The following ASPG variants were observed in gnomAD, a reference collection of about 807,000 sequenced individuals.
ASPG encodes the protein asparaginase.
A neutral mutation model predicts 63.2 loss-of-function variants in ASPG; 53 were observed. The ratio of observed to expected loss-of-function variants is 0.84; its 90% CI spans 0.67 to 1.05. The LOEUF is 1.05. Among genes scored for constraint, ASPG ranks in the 50% least tolerant of loss-of-function variants. The probability of loss-of-function intolerance (pLI) is 0.00; values close to 1 mark genes in which losing one functional copy is unlikely to be tolerated. For missense variants in ASPG, 741 were observed against 794.4 expected (o/e 0.93, Z 0.81); for synonymous variants, 370 against 355.0 (o/e 1.04, Z -0.48).
chr14:104,101,976 C>T (rs2036898465), intron 6 of ASPG, among the ~76,000 whole-genome samples: 1 of 152,208 alleles, frequency 6.6e-6, no homozygotes, highest in South Asian at 2.1e-4. Context: ...CCCCTGGCCT[C>T]TAGCAGGCCT....
At chr14:104,098,425 C>A (rs888938699) in intron 5 of ASPG, among the ~76,000 whole-genome samples, 1 of 152,204 alleles carries the variant, frequency 6.6e-6, no homozygotes, top group South Asian at 2.1e-4. Context: ...AGCCCCCACA[C>A]GGGCTCCTGA....
Position 104,101,170 on chromosome 14 carries a change from G to A in ASPG, c.640+2191G>A, listed in dbSNP as rs1160980626. 2.0e-5 allele frequency among the ~76,000 whole-genome samples: 3 copies of A among 152,316 alleles called. No individual in the cohort carries two copies. The South Asian group carries it at 6.2e-4, about 32-fold the overall frequency. ...GTTTCCCACGTGCGTGTGGGTGTGG[G>A]AAACTGATGCCGGGCTGCCGGGCCG... On this transcript the variant is annotated intron_variant, in intron 6 of 15. Coordinates refer to ENST00000551177, the MANE Select transcript of ASPG (RefSeq NM_001080464.3).
Position 104,091,961 on chromosome 14 carries a change from G to A in ASPG, c.83-672G>A, listed in dbSNP as rs780904344. 6.6e-6 allele frequency among the ~76,000 whole-genome samples: 1 copy of A among 152,102 alleles called. No individual in the cohort carries two copies. Among genetic ancestry groups the A allele is most frequent in the Non-Finnish European group, 1.5e-5 (1 of 68,024 alleles). On this transcript the variant is annotated intron_variant, in intron 1 of 15. Transcript: ENST00000551177. This position sits in a 1 kb window ranked among gnomAD's most constrained non-coding sequence, Gnocchi z 6.4. ...TTAAGGGACAGAACTGAGATGCAGA[G>A]GCTGCAGGAAGGTGGCAGAGTTGCT...
chr14:104,111,824 C>T, intron 14 of ASPG, 96 bp from the exon 15 acceptor site: 1 of 1,254,206 alleles, frequency 8.0e-7, no homozygotes, highest in Non-Finnish European at 1.1e-6. Flanking sequence ...TGTGTGTGGG[C>T]TGGGGACAGG....
intron 1 of ASPG, among the ~76,000 whole-genome samples, chr14:104,086,951 T>G (rs1322426004): frequency 2.0e-5 from 3 of 151,922 alleles, no homozygotes; most frequent in Non-Finnish European, 4.4e-5. Flanking sequence ...TGCCAACCAC[T>G]TCCCCGCCCC....
intron 1 of ASPG, 83 bp from the exon 2 acceptor site, chr14:104,092,550 T>G: frequency 8.5e-7 from 1 of 1,169,882 alleles, no homozygotes; most frequent in Non-Finnish European, 1.2e-6. Context: ...TCCCACCAGC[T>G]CTGGTCCTGC....
chr14:104,085,816 A>T lies in ASPG; in HGVS notation c.46A>T (p.Thr16Ser). 1 of 1,591,122 alleles carries T rather than the reference A, an allele frequency of 6.3e-7. No individual in the cohort carries two copies. Among genetic ancestry groups the T allele is most frequent in the Non-Finnish European group, 8.5e-7 (1 of 1,174,558 alleles). Residue 16 changes from threonine to serine, a missense_variant, in exon 1 of 16, where the codon ACC (threonine) becomes TCC (serine). Physicochemically the swap from Thr to Ser is moderately conservative, Grantham distance 58 (BLOSUM62 1). Coordinates refer to ENST00000551177, the MANE Select transcript of ASPG (RefSeq NM_001080464.3). ...CGAGCGGAGGCTGCTGGCCGTCTAC[A>T]CCGGCGGCACCATTGGCATGCGGAG... ...GPERRLLAVYTGGTIGMRSEL... is the reference protein window; with the variant it reads ...GPERRLLAVYSGGTIGMRSEL...
At position 104,112,792 on chromosome 14, in the gene ASPG, G is replaced by T; in HGVS notation, c.*248G>T. The T allele has an allele frequency of 1.3e-6, 1 of 795,462 alleles. No individual in the cohort carries two copies. Among genetic ancestry groups the T allele is most frequent in the Non-Finnish European group, 1.9e-6 (1 of 521,224 alleles). The allele number at this position is 795,462 out of a possible 1,614,324, so 49.3% of individuals were successfully genotyped here. On this transcript the variant is annotated 3_prime_UTR_variant, in exon 16 of 16. Transcript: ENST00000551177. ...GTGTGGGGAGTCAGGCCCAGGCTCT[G>T]TGGGGTCTCTGCGGGGGTCACTTGG...
In ASPG at chr14:104,097,711, A is replaced by G; in HGVS notation, c.513+74A>G. On this transcript the variant is annotated intron_variant, in intron 5 of 15. Coordinates refer to ENST00000551177, the MANE Select transcript of ASPG (RefSeq NM_001080464.3). ...AGCCCAGACAGCAGCCAGGAAACAA[A>G]GTCCCCCCAGCCCCTCCCCAGACGC... 6.4e-6 allele frequency: 9 copies of G among 1,415,792 alleles called. No individual in the cohort carries two copies. In the South Asian group the frequency reaches 1.1e-4, roughly 18 times the overall value. 87.7% of individuals were successfully genotyped at this position (1,415,792 alleles called of 1,614,324 possible).
chr14:104,109,944 G>A lies in ASPG; in HGVS notation c.1520+629G>A, dbSNP rs1448012695. On this transcript the variant is annotated intron_variant, in intron 13 of 15. Coordinates refer to ENST00000551177, the MANE Select transcript of ASPG (RefSeq NM_001080464.3). The surrounding 1 kb of genome is among the most constrained non-coding windows in gnomAD (Gnocchi z 4.8). ...TGTTGGGGAGACTGAGGCGCAGGGA[G>A]GCCTTCGGCGAGGGTGTCGGTTGTG... The A allele has an allele frequency of 6.1e-6, 6 of 985,060 alleles. No homozygotes were observed. The highest frequency in any genetic ancestry group is 7.2e-6 in the Non-Finnish European group (6 of 829,786). 61.0% of individuals were successfully genotyped at this position (985,060 alleles called of 1,614,324 possible).
At chr14:104,095,439 T>C in intron 3 of ASPG, 92 bp from the exon 4 acceptor site, 1 of 1,568,174 alleles carries the variant, frequency 6.4e-7, no homozygotes, top group Non-Finnish European at 8.6e-7. Context: ...TGAGTCCTCC[T>C]CTCTGCATCC....
In ASPG at chr14:104,091,688, G is replaced by A. The variant is rs532989161; in HGVS notation, c.83-945G>A. Among the ~76,000 whole-genome samples the A allele has an allele frequency of 6.6e-6, 1 of 152,188 alleles. No individual in the cohort carries two copies. The highest frequency in any genetic ancestry group is 2.4e-5 in the African/African-American group (1 of 41,528). On this transcript the variant is annotated intron_variant, in intron 1 of 15. Coordinates refer to ENST00000551177, the MANE Select transcript of ASPG (RefSeq NM_001080464.3). This position sits in a 1 kb window ranked among gnomAD's most constrained non-coding sequence, Gnocchi z 6.4. ...ATATTAGAGGGGGCTGCTTTAACTT[G>A]CCAAGTTTGGGGTTAATTTGTGAGC...
intron 6 of ASPG, among the ~76,000 whole-genome samples, chr14:104,099,568 C>T (rs1566832040): frequency 6.6e-6 from 1 of 152,214 alleles, no homozygotes; most frequent in Non-Finnish European, 1.5e-5. Context: ...CCGGAAGTCA[C>T]TCCCTGGCCT....
rs772199438 is a variant in ASPG at position 104,105,401 on chromosome 14, A to G, written c.1124A>G (p.Asn375Ser). 2 of 1,611,948 alleles carry G rather than the reference A, an allele frequency of 1.2e-6. No homozygotes were observed. Among genetic ancestry groups the G allele is most frequent in the Middle Eastern group, 1.7e-4 (1 of 6,050 alleles). ...GAGCGCCGGCCCTCACTGCAGGGCA[A>G]CACGCTGGGCGGTGGGGTCTCCTGG... ...VEERRPSLQG[N>S]TLGGGVSWLL... Residue 375 changes from asparagine to serine, a missense_variant, in exon 10 of 16, where the codon AAC becomes AGC. By Grantham distance (46) the Asn-to-Ser change is conservative. Coordinates refer to ENST00000551177, the MANE Select transcript of ASPG (RefSeq NM_001080464.3).
In ASPG at chr14:104,103,625, G is replaced by C; in HGVS notation, c.703G>C (p.Glu235Gln). ...TGGGCTGGTGGTGCACAGCAGCATG[G>C]AGCAGGACGTGGGCCTGCTGCGCCT... is the stretch of plus-strand genomic sequence containing the variant. ...KAGLVVHSSM[E>Q]QDVGLLRLYP... is the part of the protein sequence containing the mutation. The change falls in exon 7 of 16, where the codon GAG becomes CAG. Residue 235 changes from glutamate (E) to glutamine (Q), a missense_variant. Physicochemically the swap from Glu to Gln is conservative, Grantham distance 29. Transcript: ENST00000551177. The C allele has an allele frequency of 6.5e-7, 1 of 1,548,148 alleles. No individual in the cohort carries two copies. The highest frequency in any genetic ancestry group is 8.7e-7 in the Non-Finnish European group (1 of 1,146,778).
Position 104,092,639 on chromosome 14 carries a change from T to G in ASPG, c.89T>G (p.Val30Gly), listed in dbSNP as rs1242181142. ...IGMRSELGVL[V>G]PGTGLAAILR... ...ACCTGGACTCTGCCTGCAGTGCTTGTGCCCGGGACGGGCCTGGCTGCCATC... is the reference window on the plus strand; with the variant it reads ...ACCTGGACTCTGCCTGCAGTGCTTGGGCCCGGGACGGGCCTGGCTGCCATC... Residue 30 changes from valine (V) to glycine (G), a missense_variant, in exon 2 of 16, where the codon GTG becomes GGG. Val to Gly is a moderately radical substitution (Grantham distance 109). Coordinates refer to ENST00000551177, the MANE Select transcript of ASPG (RefSeq NM_001080464.3). The G allele has an allele frequency of 6.5e-7, 1 of 1,535,348 alleles. No individual in the cohort carries two copies. Among genetic ancestry groups the G allele is most frequent in the Non-Finnish European group, 8.7e-7 (1 of 1,146,960 alleles).
chr14:104,087,808 C>T (rs536301420), intron 1 of ASPG, among the ~76,000 whole-genome samples: 7 of 152,368 alleles, frequency 4.6e-5, no homozygotes, highest in Admixed American at 2.0e-4. Context: ...GCGTGCTCGC[C>T]GCAGCAGCCT....
chr14:104,092,829 G>A (rs896638055), intron 2 of ASPG, 88 bp downstream of exon 2: 23 of 1,160,434 alleles, frequency 2.0e-5, no homozygotes, highest in Admixed American at 2.0e-5. Flanking sequence ...CCAGGCCCAC[G>A]TGAGCCATTT....
chr14:104,092,136 TAGCACTAC>T (rs2036387287), intron 1 of ASPG, among the ~76,000 whole-genome samples: 1 of 152,030 alleles, frequency 6.6e-6, no homozygotes, highest in Non-Finnish European at 1.5e-5. Context: ...AATGTGGGAA[TAGCACTAC>T]AGCCTGGGCA....
Sources: allele counts gnomAD v4.1 joint callset (sites outside exome capture counted in the v4.1 genomes callset), GRCh38; gene constraint gnomAD v4.1.1; non-coding constraint Gnocchi (gnomAD v3.1); transcripts MANE v1.5; gene names NCBI Gene and HGNC (gene_info 2026-07-23, HGNC 2026-07-21).